The following F11R variants were observed in gnomAD, a reference collection of about 807,000 sequenced individuals.
The protein encoded by F11R is F11 receptor.
F11R carries 27 observed loss-of-function variants against 39.3 expected under a neutral mutation model. That is an observed-to-expected ratio of 0.69 (90% CI 0.51 to 0.95). The LOEUF is 0.95. Among genes scored for constraint, F11R ranks in the 40% least tolerant of loss-of-function variants. The probability of loss-of-function intolerance (pLI) is 0.00; values close to 1 mark genes in which losing one functional copy is unlikely to be tolerated. For missense variants in F11R, 335 were observed against 372.7 expected, an observed-to-expected ratio of 0.90 and a Z score of 0.83; for synonymous variants, 131 against 144.9, an observed-to-expected ratio of 0.90 and a Z score of 0.69.
intron 4 of F11R, 39 bp downstream of exon 4, chr1:161,000,592 A>C (rs764741109): frequency 6.2e-7 from 1 of 1,613,320 alleles, no homozygotes; most frequent in Non-Finnish European, 8.5e-7. Context: ...ATGAGAAGTA[A>C]CTAACTCCAG....
chr1:161,008,047 G>A (rs539867791), intron 1 of F11R, among the ~76,000 whole-genome samples: 2 of 152,240 alleles, frequency 1.3e-5, no homozygotes, highest in African/African-American at 4.8e-5. Flanking sequence ...ACATGCAAAT[G>A]TCCTACTGAT....
chr1:161,002,719 G>A lies in F11R; in HGVS notation c.65-1366C>T, dbSNP rs563728829. 3 of 152,150 alleles carry A rather than the reference G, an allele frequency of 2.0e-5. No homozygotes were observed. In the East Asian group the frequency reaches 5.8e-4, roughly 29 times the overall value. The allele number at this position is 152,150 out of a possible 1,614,324, so 9.4% of individuals were successfully genotyped here. A position where few individuals can be genotyped will look rare whatever the true frequency, so the allele number is the denominator to read the frequency against. On this transcript the variant is annotated intron_variant, in intron 1 of 9. Transcript: ENST00000368026. Reference sequence around the variant, plus strand: ...AACTGAATATGGTCTCTTGACCTCTGAGACTCCCCTTCCTCTCTGAAATAT... The same window carrying A: ...AACTGAATATGGTCTCTTGACCTCTAAGACTCCCCTTCCTCTCTGAAATAT...
chr1:161,020,941 G>A, intron 1 of F11R, 69 bp downstream of exon 1: 1 of 1,393,372 alleles, frequency 7.2e-7, no homozygotes, highest in Admixed American at 1.7e-5. Context: ...CGGGCTAGGG[G>A]CGTGGGGAGA....
intron 1 of F11R, among the ~76,000 whole-genome samples, chr1:161,012,454 G>A (rs1314625727): frequency 1.3e-5 from 2 of 151,236 alleles, no homozygotes; most frequent in East Asian, 1.9e-4. Flanking sequence ...ATGCCTCAGG[G>A]ATATCAATAA....
At chr1:161,015,483 C>T (rs998831852) in intron 1 of F11R, among the ~76,000 whole-genome samples, 6 of 149,118 alleles carry the variant, frequency 4.0e-5, no homozygotes, top group Non-Finnish European at 8.9e-5. Context: ...CCCAGCTACT[C>T]GGGAGGCTGA....
intron 1 of F11R, among the ~76,000 whole-genome samples, chr1:161,006,864 C>T (rs946352498): frequency 5.3e-5 from 8 of 152,174 alleles, no homozygotes; most frequent in Admixed American, 3.9e-4. Flanking sequence ...AGACTGCCTG[C>T]GTTCAAATCC....
chr1:161,018,018 C>G (rs1305044930), intron 1 of F11R, among the ~76,000 whole-genome samples: 1 of 152,234 alleles, frequency 6.6e-6, no homozygotes, highest in African/African-American at 2.4e-5. Context: ...AGGTTTCCCT[C>G]TCTCCCCTGT....
intron 4 of F11R, 36 bp from the exon 5 acceptor site, chr1:161,000,384 G>A: frequency 6.2e-7 from 1 of 1,601,460 alleles, no homozygotes; most frequent in Non-Finnish European, 8.5e-7. Flanking sequence ...CTGAGTACAG[G>A]GTGGGGGCTG....
intron 1 of F11R, among the ~76,000 whole-genome samples, chr1:161,006,275 C>T (rs1157563171): frequency 6.6e-6 from 1 of 152,146 alleles, no homozygotes; most frequent in African/African-American, 2.4e-5. Context: ...CTCCTTTCCA[C>T]GGGCGTGGAT....
chr1:161,018,351 C>T (rs1261155796), intron 1 of F11R, among the ~76,000 whole-genome samples: 3 of 152,192 alleles, frequency 2.0e-5, no homozygotes, highest in Non-Finnish European at 4.4e-5. Flanking sequence ...ATATGGGCAA[C>T]CTATCCACGC....
rs544370420 is a variant in F11R at position 160,999,543 on chromosome 1, C to G, written c.802+97G>C. On this transcript the variant is annotated intron_variant, in intron 7 of 9. Coordinates refer to ENST00000368026, the MANE Select transcript of F11R (RefSeq NM_016946.6). ...TTCCCCAGGGGACAACACCCACACA[C>G]ATGAGCACAGTATCAGGGTCAGTAC... 1,221 of 1,504,302 alleles carry G rather than the reference C, an allele frequency of 8.1e-4. 15 individuals carry two copies. The South Asian group carries it at 0.013, about 16-fold the overall frequency. The allele number at this position is 1,504,302 out of a possible 1,614,324, so 93.2% of individuals were successfully genotyped here.
chr1:161,015,407 A>AAAAATAT (rs571469825), intron 1 of F11R, among the ~76,000 whole-genome samples: 6 of 136,168 alleles, frequency 4.4e-5, no homozygotes, highest in Admixed American at 7.5e-5. Flanking sequence ...CAAAAAAAAA[A>AAAAATAT]ATATATATAT....
intron 1 of F11R, among the ~76,000 whole-genome samples, chr1:161,002,001 C>T (rs1196245813): frequency 6.6e-6 from 1 of 152,090 alleles, no homozygotes; most frequent in Non-Finnish European, 1.5e-5. Context: ...TGCGGTGGCT[C>T]AGGCCTGTAA....
Position 160,998,747 on chromosome 1 carries a change from T to TAGGG in F11R, c.*120_*123dup, listed in dbSNP as rs1648274519. 3 of 870,888 alleles carry TAGGG rather than the reference T, an allele frequency of 3.4e-6. No homozygotes were observed. The highest frequency in any genetic ancestry group is 4.5e-5 in the Admixed American group (2 of 44,366). The allele number at this position is 870,888 out of a possible 1,614,324, so 53.9% of individuals were successfully genotyped here. ...ATTATTAAAAACACATCCGAAGAAG[T>TAGGG]AGGGGGCCCTGTGGGGTGTAGAAGA... On this transcript the variant is annotated 3_prime_UTR_variant, in exon 10 of 10. Transcript: ENST00000368026.
chr1:161,012,719 G>C (rs1173069938), intron 1 of F11R, among the ~76,000 whole-genome samples: 1 of 151,756 alleles, frequency 6.6e-6, no homozygotes, highest in Non-Finnish European at 1.5e-5. Context: ...CTGCCTTCTG[G>C]GTTCAAGCAA....
rs1168153867 is a variant in F11R at position 160,995,802 on chromosome 1, CA to C, written c.*3068del. ...ATGGTGATGTGTTAATTGACCATGG[CA>C]ATCATTACACAAATGTATGTGCATA... On this transcript the variant is annotated 3_prime_UTR_variant, in exon 10 of 10. Coordinates refer to ENST00000368026, the MANE Select transcript of F11R (RefSeq NM_016946.6). The C allele has an allele frequency of 6.7e-6, 1 of 149,048 alleles. No individual in the cohort carries two copies. The highest frequency in any genetic ancestry group is 1.5e-5 in the Non-Finnish European group (1 of 67,450). 9.2% of individuals were successfully genotyped at this position (149,048 alleles called of 1,614,324 possible). A position where few individuals can be genotyped will look rare whatever the true frequency, so the allele number is the denominator to read the frequency against.
chr1:160,999,391 C>A lies in F11R; in HGVS notation c.815+5G>T, dbSNP rs374874162. On this transcript the variant is annotated splice_donor_5th_base_variant and intron_variant, in intron 8 of 9. Coordinates refer to ENST00000368026, the MANE Select transcript of F11R (RefSeq NM_016946.6). The stretch of plus-strand genomic sequence containing the variant: ...TGGAGAACCCCAGGACAGCACCTCA[C>A]TCACCCTTTCTTTGTTCCTGAAAGA... 7 of 1,614,124 alleles carry A rather than the reference C, an allele frequency of 4.3e-6. No homozygotes were observed. In the African/African-American group the frequency reaches 9.3e-5, roughly 22 times the overall value.
chr1:160,999,166 C>A (rs1648312927), intron 8 of F11R, 75 bp from the exon 9 acceptor site: 14 of 1,597,394 alleles, frequency 8.8e-6, no homozygotes, highest in Non-Finnish European at 1.1e-5. Context: ...ACTTTAAAGG[C>A]CAGAAGCGAG....
At chr1:161,016,003 A>G (rs984456395) in intron 1 of F11R, among the ~76,000 whole-genome samples, 62 of 152,248 alleles carry the variant, frequency 4.1e-4, no homozygotes, top group African/African-American at 1.4e-3. Flanking sequence ...TCCACAAGAC[A>G]TGATCACAAA....
Sources: gnomAD v4.1 joint callset for allele counts (sites outside exome capture counted in the v4.1 genomes callset) on GRCh38, gnomAD v4.1.1 for gene constraint, MANE v1.5 for transcripts, NCBI Gene and HGNC (gene_info 2026-07-23, HGNC 2026-07-21) for gene names.